The following CACNA1S variants were observed in gnomAD, a reference collection of about 807,000 sequenced individuals.
CACNA1S encodes voltage-dependent L-type calcium channel subunit alpha-1S.
CACNA1S carries 126 observed loss-of-function variants against 207.4 expected under a neutral mutation model. That is an observed-to-expected ratio of 0.61 (90% CI 0.53 to 0.70). The LOEUF (loss-of-function observed/expected upper bound fraction) is 0.70. Ranked by LOEUF, CACNA1S falls within the 30% of genes least tolerant of loss-of-function variation. CACNA1S has a pLI of 0.00. For missense variants in CACNA1S, 2,349 were observed against 2,422.8 expected, an observed-to-expected ratio of 0.97 and a Z score of 0.64; for synonymous variants, 960 against 932.7, an observed-to-expected ratio of 1.03 and a Z score of -0.53.
rs561267668 is a variant in CACNA1S at position 201,065,302 on chromosome 1, A to G, written c.2853+536T>C. Among the ~76,000 whole-genome samples, 3 of 152,340 alleles carry G rather than the reference A, an allele frequency of 2.0e-5. No homozygotes were observed. The South Asian group carries it at 6.2e-4, about 32-fold the overall frequency. ...AAAAGAGCTTAAGATAGTTGCTGTC[A>G]GGTTTTCATTTTAGCTTATTAGATC... On this transcript the variant is annotated intron_variant, in intron 22 of 43. Coordinates refer to ENST00000362061, the MANE Select transcript of CACNA1S (RefSeq NM_000069.3).
At chr1:201,052,308 GCAC>G (rs1203166628) in intron 32 of CACNA1S, among the ~76,000 whole-genome samples, 2 of 152,210 alleles carry the variant, frequency 1.3e-5, no homozygotes, top group African/African-American at 4.8e-5. Context: ...GGAAAATGCA[GCAC>G]TTCACTCAGT....
chr1:201,043,629 T>C (rs909520916), intron 39 of CACNA1S, 98 bp from the exon 40 acceptor site: 99 of 1,115,024 alleles, frequency 8.9e-5, no homozygotes, highest in African/African-American at 1.4e-4. Flanking sequence ...AGCAATAGTA[T>C]TGGGAGACAA....
chr1:201,041,880 G>A, intron 40 of CACNA1S: 1 of 484,246 alleles, frequency 2.1e-6, no homozygotes, highest in Non-Finnish European at 3.8e-6. Flanking sequence ...CCCAGCCTTT[G>A]GAACCCTGCT....
At position 201,049,074 on chromosome 1, in the gene CACNA1S, C is replaced by T; in HGVS notation, c.4267G>A (p.Val1423Met). The change falls in exon 35 of 44, where the codon GTG (valine) becomes ATG (methionine). Residue 1423 changes from valine to methionine, a missense_variant. Val to Met is a conservative substitution (Grantham distance 21, BLOSUM62 1). Coordinates refer to ENST00000362061, the MANE Select transcript of CACNA1S (RefSeq NM_000069.3). ...AKGRIKHLDV[V>M]TLLRRIQPPL... is the part of the protein sequence containing the mutation. ...GGCTGAATCCTTCTCAGCAGGGTCA[C>T]CACGTCCAGGTGTTTGATTCTCCCC... is the stretch of plus-strand genomic sequence containing the variant. 6.2e-7 allele frequency: 1 copy of T among 1,613,382 alleles called. No homozygotes were observed.
chr1:201,106,886 G>A (rs1331436366), intron 2 of CACNA1S, among the ~76,000 whole-genome samples: 1 of 152,200 alleles, frequency 6.6e-6, no homozygotes, highest in East Asian at 1.9e-4. Flanking sequence ...GGCCTTGGAG[G>A]CTCAACCTCA....
rs1235748457 is a variant in CACNA1S, at chr1:201,091,962, T to C, written c.541+10A>G. On this transcript the variant is annotated intron_variant, in intron 4 of 43. Coordinates refer to ENST00000362061, the MANE Select transcript of CACNA1S (RefSeq NM_000069.3). ...AGGAGAAAGGGGTCTGCAGGGACAC[T>C]GCCACCCACTAGGCACCCCCGACAC... The C allele has an allele frequency of 1.9e-6, 3 of 1,613,972 alleles. 1 individual carries two copies. Among genetic ancestry groups the C allele is most frequent in the Non-Finnish European group, 8.5e-7 (1 of 1,179,948 alleles).
Position 201,074,580 on chromosome 1 carries a change from G to T in CACNA1S, c.1989C>A (p.Asn663Lys). ...LNVFLAIAVD[N>K]LAEAESLTSA... ...AAGTCAGGCTCTCCGCCTCGGCCAG[G>T]TTGTCCACGGCAATGGCCAGGAAGA... The change falls in exon 14 of 44, where the codon AAC (asparagine) becomes AAA (lysine). Residue 663 changes from asparagine (N) to lysine (K), a missense_variant. Physicochemically the swap from Asn to Lys is moderately conservative, Grantham distance 94 (BLOSUM62 0). Coordinates refer to ENST00000362061, the MANE Select transcript of CACNA1S (RefSeq NM_000069.3). 3.1e-6 allele frequency: 5 copies of T among 1,613,924 alleles called. No homozygotes were observed. Among genetic ancestry groups the T allele is most frequent in the Non-Finnish European group, 4.2e-6 (5 of 1,179,852 alleles).
At position 201,044,433 on chromosome 1, in the gene CACNA1S, T is replaced by C. The variant is rs1418949645; in HGVS notation, c.4692A>G (p.Glu1564=). Residue 1564 remains glutamate, a synonymous_variant, in exon 39 of 44, where the codon GAA becomes GAG. Transcript: ENST00000362061. The part of the protein sequence containing the change: ...QIQAGLRTIE[E]EAAPEICRTV... ...TGCGACAGATCTCGGGGGCTGCCTC[T>C]TCCTCAATGGTCCGCAGCCCTGCCT... is the stretch of plus-strand genomic sequence containing the variant. The C allele has an allele frequency of 6.2e-7, 1 of 1,613,000 alleles. No individual in the cohort carries two copies. The highest frequency in any genetic ancestry group is 1.3e-5 in the African/African-American group (1 of 74,902).
chr1:201,084,932 C>T lies in CACNA1S; in HGVS notation c.1232+18G>A. The T allele has an allele frequency of 6.3e-7, 1 of 1,583,182 alleles. No individual in the cohort carries two copies. The highest frequency in any genetic ancestry group is 1.1e-5 in the South Asian group (1 of 90,532). On this transcript the variant is annotated intron_variant, in intron 9 of 43. Transcript: ENST00000362061. The stretch of plus-strand genomic sequence containing the variant: ...AGCTGGGGGTTGGGGGTTCCTGGGG[C>T]AGTGGGCAGATACTCACATGAACTG...
At chr1:201,075,298 T>C (rs1194886687) in intron 13 of CACNA1S, among the ~76,000 whole-genome samples, 197 bp downstream of exon 13, 2 of 152,188 alleles carry the variant, frequency 1.3e-5, no homozygotes, top group African/African-American at 4.8e-5. Context: ...GAGTCTCTAA[T>C]CTTTTTGGCA....
chr1:201,069,879 A>C (rs186221900), intron 17 of CACNA1S, among the ~76,000 whole-genome samples: 1 of 152,282 alleles, frequency 6.6e-6, no homozygotes, highest in African/African-American at 2.4e-5. Flanking sequence ...TTTCCCATCA[A>C]ATGAAAATGG....
At chr1:201,097,778 G>A (rs554515012) in intron 2 of CACNA1S, among the ~76,000 whole-genome samples, 1 of 152,244 alleles carries the variant, frequency 6.6e-6, no homozygotes, top group African/African-American at 2.4e-5. Flanking sequence ...TGCTGGTGGT[G>A]GGTGAGGGGA....
chr1:201,068,046 T>C (rs1661310230), intron 19 of CACNA1S, among the ~76,000 whole-genome samples: 1 of 151,870 alleles, frequency 6.6e-6, no homozygotes, highest in Non-Finnish European at 1.5e-5. Flanking sequence ...TGCATCTGTG[T>C]TGGGAATGGG....
chr1:201,070,431 G>T, intron 16 of CACNA1S, 27 bp from the exon 17 acceptor site: 1 of 1,612,980 alleles, frequency 6.2e-7, no homozygotes, highest in East Asian at 2.2e-5. Context: ...AGGAATTAGG[G>T]GTGTCTTCCC....
intron 10 of CACNA1S, among the ~76,000 whole-genome samples, chr1:201,078,762 G>T (rs1249747855): frequency 6.6e-6 from 1 of 151,950 alleles, no homozygotes; most frequent in Non-Finnish European, 1.5e-5. Context: ...CCCTGTCCGT[G>T]ATTCTTTTTC....
At chr1:201,048,507 G>GAGAATCTGGC in intron 36 of CACNA1S, 75 bp downstream of exon 36, 1 of 1,259,952 alleles carries the variant, frequency 7.9e-7, no homozygotes, top group Non-Finnish European at 1.2e-6. Context: ...CTTGAGCTCT[G>GAGAATCTGGC]AGAATCTGGC....
intron 14 of CACNA1S, 43 bp downstream of exon 14, chr1:201,074,463 C>G (rs114398687): frequency 7.7e-7 from 1 of 1,290,842 alleles, no homozygotes; most frequent in Middle Eastern, 1.8e-4. Context: ...GCCATGGCCA[C>G]GACTGAGCAC....
chr1:201,104,504 C>T (rs928715420), intron 2 of CACNA1S, among the ~76,000 whole-genome samples: 1 of 152,194 alleles, frequency 6.6e-6, no homozygotes, highest in Non-Finnish European at 1.5e-5. Context: ...GGACATTAAC[C>T]AGCTTGGTAT....
chr1:201,063,643 G>T (rs1661146008), intron 22 of CACNA1S, among the ~76,000 whole-genome samples: 1 of 152,228 alleles, frequency 6.6e-6, no homozygotes, highest in South Asian at 2.1e-4. Context: ...GGATTCTGGT[G>T]CAGTTCCTTC....
Sources: allele counts gnomAD v4.1 joint callset (sites outside exome capture counted in the v4.1 genomes callset), GRCh38; gene constraint gnomAD v4.1.1; transcripts MANE v1.5; gene names NCBI Gene and HGNC (gene_info 2026-07-23, HGNC 2026-07-21).